EP300: variants seen among roughly 807,000 people sequenced by gnomAD.
EP300 encodes the protein histone acetyltransferase p300.
EP300 carries 31 observed loss-of-function variants against 264.0 expected under a neutral mutation model. That is an observed-to-expected ratio of 0.12 (90% CI 0.09 to 0.16). The LOEUF (loss-of-function observed/expected upper bound fraction) is 0.16. EP300 is among the 10% of genes least tolerant of loss of function. The pLI is 1.00. For missense variants in EP300, 2,766 were observed against 3,052.9 expected (o/e 0.91, Z 2.21); for synonymous variants, 1,340 against 1,045.4 (o/e 1.28, Z -5.44).
chr22:41,124,494 C>T (rs772290825), intron 2 of EP300, among the ~76,000 whole-genome samples: 1 of 152,094 alleles, frequency 6.6e-6, no homozygotes, highest in Non-Finnish European at 1.5e-5. Context: ...AAACAAAATA[C>T]AGGAATAATT....
intron 22 of EP300, among the ~76,000 whole-genome samples, chr22:41,165,355 G>T (rs1049833296): frequency 2.6e-5 from 4 of 152,178 alleles, no homozygotes; most frequent in South Asian, 2.1e-4. Context: ...GACGGTCTCA[G>T]CTTCTCTCTT....
At chr22:41,108,494 C>T (rs921545453) in intron 1 of EP300, among the ~76,000 whole-genome samples, 2 of 152,088 alleles carry the variant, frequency 1.3e-5, no homozygotes, top group Admixed American at 6.5e-5. Flanking sequence ...AGCAACCCTC[C>T]AGCCTTGGCC....
intron 1 of EP300, among the ~76,000 whole-genome samples, chr22:41,099,466 G>A (rs1329251864): frequency 1.3e-5 from 2 of 152,154 alleles, no homozygotes; most frequent in Non-Finnish European, 2.9e-5. Context: ...GTTTCTGTCC[G>A]TGTCTTCCAC....
intron 6 of EP300, among the ~76,000 whole-genome samples, chr22:41,135,247 A>G (rs1401353191): frequency 6.6e-6 from 1 of 151,938 alleles, no homozygotes; most frequent in Non-Finnish European, 1.5e-5. Context: ...CTTTTTCCTT[A>G]AGTTTTAGTA....
intron 1 of EP300, among the ~76,000 whole-genome samples, chr22:41,098,513 A>G (rs2058714211): frequency 6.6e-6 from 1 of 152,058 alleles, no homozygotes; most frequent in Non-Finnish European, 1.5e-5. Flanking sequence ...CTGGGACTAC[A>G]GGCGCCCGCC....
At chr22:41,112,381 T>C (rs2058797184) in intron 1 of EP300, among the ~76,000 whole-genome samples, 1 of 151,360 alleles carries the variant, frequency 6.6e-6, no homozygotes, top group Non-Finnish European at 1.5e-5. Flanking sequence ...TTGTTTTTAG[T>C]AGAGATGTGG....
chr22:41,142,649 G>A (rs995126748), intron 10 of EP300, among the ~76,000 whole-genome samples: 4 of 152,174 alleles, frequency 2.6e-5, no homozygotes, highest in African/African-American at 9.7e-5. Context: ...ACTTTGGGAG[G>A]CCGAGGCGGG....
rs1483193261 is a variant in EP300 at position 41,179,153 on chromosome 22, A to C, written c.*197A>C. Reference sequence around the variant, plus strand: ...TGAGGGATGATAGAATACAAAGAATATATTTTTGTTATGGCTGGTTACCAC... The same window carrying C: ...TGAGGGATGATAGAATACAAAGAATCTATTTTTGTTATGGCTGGTTACCAC... On this transcript the variant is annotated 3_prime_UTR_variant, in exon 31 of 31. Coordinates refer to ENST00000263253, the MANE Select transcript of EP300 (RefSeq NM_001429.4). The C allele has an allele frequency of 1.6e-6, 1 of 643,324 alleles. No homozygotes were observed. The highest frequency in any genetic ancestry group is 1.8e-5 in the African/African-American group (1 of 54,692). 39.9% of individuals were successfully genotyped at this position (643,324 alleles called of 1,614,324 possible). A position where few individuals can be genotyped will look rare whatever the true frequency, so the allele number is the denominator to read the frequency against.
chr22:41,102,238 G>A (rs1198884576), intron 1 of EP300, among the ~76,000 whole-genome samples: 1 of 151,986 alleles, frequency 6.6e-6, no homozygotes, highest in Non-Finnish European at 1.5e-5. Context: ...TATAGATAAG[G>A]GAAGAAGACT....
intron 13 of EP300, among the ~76,000 whole-genome samples, chr22:41,149,510 T>G (rs2145736787): frequency 6.6e-6 from 1 of 152,328 alleles, no homozygotes; most frequent in African/African-American, 2.4e-5. Flanking sequence ...CTGCACTCAA[T>G]TCTGCCATTT....
rs749139417 is a variant in EP300 at position 41,176,318 on chromosome 22, T to C, written c.4851T>C (p.Pro1617=). 1.2e-6 allele frequency: 2 copies of C among 1,614,180 alleles called. No homozygotes were observed. The highest frequency in any genetic ancestry group is 1.7e-6 in the Non-Finnish European group (2 of 1,180,028). The part of the protein sequence containing the change: ...NSLPPIVDPD[P]LIPCDLMDGR... ...TGCCTCCCATTGTTGATCCTGATCC[T>C]CTCATCCCCTGCGATCTGATGGATG... The change falls in exon 30 of 31, where the codon CCT becomes CCC. Residue 1617 remains proline (P), a synonymous_variant. Coordinates refer to ENST00000263253, the MANE Select transcript of EP300 (RefSeq NM_001429.4).
intron 1 of EP300, among the ~76,000 whole-genome samples, chr22:41,114,857 A>G (rs1466415021): frequency 5.3e-5 from 8 of 152,154 alleles, no homozygotes; most frequent in Admixed American, 4.6e-4. Context: ...GGAAGGGCAC[A>G]TACAGGAAGA....
chr22:41,156,449 G>T (rs560346774), intron 17 of EP300, among the ~76,000 whole-genome samples: 1 of 152,128 alleles, frequency 6.6e-6, no homozygotes, highest in Non-Finnish European at 1.5e-5. Context: ...GGCCGGGCAC[G>T]GTGGCTAACG....
chr22:41,145,401 A>T (rs906267242), intron 10 of EP300, among the ~76,000 whole-genome samples: 1 of 152,188 alleles, frequency 6.6e-6, no homozygotes, highest in African/African-American at 2.4e-5. Flanking sequence ...GTCTGAAGGG[A>T]TGGACATCTC....
rs144174775 is a variant in EP300 at position 41,128,396 on chromosome 22, G to A, written c.1168+648G>A. On this transcript the variant is annotated intron_variant, in intron 4 of 30. Coordinates refer to ENST00000263253, the MANE Select transcript of EP300 (RefSeq NM_001429.4). ...GATGGCTTGAGCCCAAGAGGGCAGG[G>A]GTTGGTGTGATTCGACATCATACCA... Among the ~76,000 whole-genome samples, 279 of 152,148 alleles carry A rather than the reference G, an allele frequency of 1.8e-3. 2 individuals are homozygous for A. The East Asian group carries it at 0.019, about 10-fold the overall frequency.
intron 1 of EP300, among the ~76,000 whole-genome samples, chr22:41,101,423 T>C (rs1316069993): frequency 1.3e-5 from 2 of 150,998 alleles, no homozygotes; most frequent in Non-Finnish European, 3.0e-5. Flanking sequence ...TCTTTTTTTT[T>C]TTTTTTGAGA....
chr22:41,161,211 A>G (rs2059106129), intron 20 of EP300, among the ~76,000 whole-genome samples: 1 of 152,220 alleles, frequency 6.6e-6, no homozygotes, highest in South Asian at 2.1e-4. Context: ...GTAGTGAATA[A>G]TAGACTTTAA....
chr22:41,141,261 GATA>G (rs1466346496), intron 10 of EP300, 39 bp downstream of exon 10: 1 of 1,586,192 alleles, frequency 6.3e-7, no homozygotes, highest in Non-Finnish European at 8.7e-7. Flanking sequence ...GAGAGAAATT[GATA>G]ATAAAATAGT....
intron 19 of EP300, chr22:41,160,428 A>C: frequency 1.9e-6 from 1 of 521,250 alleles, no homozygotes; most frequent in Middle Eastern, 5.3e-4. Flanking sequence ...GCAAAAAAAA[A>C]AACAAAAAAA....
Sources: allele counts gnomAD v4.1 joint callset (sites outside exome capture counted in the v4.1 genomes callset), GRCh38; gene constraint gnomAD v4.1.1; transcripts MANE v1.5; gene names NCBI Gene and HGNC (gene_info 2026-07-23, HGNC 2026-07-21).